CACNA1D: variants seen among roughly 807,000 people sequenced by gnomAD.
The protein encoded by CACNA1D is calcium voltage-gated channel subunit alpha1 D.
CACNA1D carries 55 observed loss-of-function variants against 257.1 expected under a neutral mutation model. The ratio of observed to expected loss-of-function variants is 0.21; its 90% confidence interval spans 0.17 to 0.27. The LOEUF (loss-of-function observed/expected upper bound fraction) is 0.27, where lower values mean the gene tolerates loss of function less well. Ranked by LOEUF, CACNA1D falls within the 10% of genes least tolerant of loss-of-function variation. The pLI is 1.00. For synonymous variants in CACNA1D, 980 were observed against 1,014.9 expected (o/e 0.97, Z 0.65); for missense variants, 1,876 against 2,784.0 (o/e 0.67, Z 7.34).
At chr3:53,730,015 CTGAAT>C (rs1389756596) in intron 15 of CACNA1D, among the ~76,000 whole-genome samples, 1 of 151,968 alleles carries the variant, frequency 6.6e-6, no homozygotes. Context: ...AAGCACTCCC[CTGAAT>C]ATATATGTTG....
chr3:53,704,548 T>C (rs2094665303), intron 9 of CACNA1D, among the ~76,000 whole-genome samples: 1 of 152,202 alleles, frequency 6.6e-6, no homozygotes, highest in African/African-American at 2.4e-5. Context: ...CTGCCTGTCC[T>C]CTGCACAGCT....
chr3:53,580,537 T>C (rs2093115200), intron 3 of CACNA1D, among the ~76,000 whole-genome samples: 1 of 152,220 alleles, frequency 6.6e-6, no homozygotes, highest in Non-Finnish European at 1.5e-5. Flanking sequence ...AGTAATCCTG[T>C]TTCTCTGCCT....
At chr3:53,547,338 CAG>C (rs2092433591) in intron 3 of CACNA1D, among the ~76,000 whole-genome samples, 1 of 152,154 alleles carries the variant, frequency 6.6e-6, no homozygotes, top group Non-Finnish European at 1.5e-5. Context: ...ACGAGGGCAA[CAG>C]GGCTCTTGCT....
intron 21 of CACNA1D, 114 bp from the exon 22 acceptor site, chr3:53,742,897 T>C (rs887187954): frequency 1.3e-6 from 1 of 775,128 alleles, no homozygotes; most frequent in African/African-American, 1.7e-5. Context: ...ATTTCTGACT[T>C]CTTAATGCAC....
chr3:53,773,121 C>T lies in CACNA1D; in HGVS notation c.4110+223C>T, dbSNP rs2278516. 0.62 allele frequency among the ~76,000 whole-genome samples: 93,837 copies of T among 152,118 alleles called. 29,563 individuals carry two copies. The highest frequency in any genetic ancestry group is 0.7 in the Middle Eastern group (204 of 292). ...AGAGGTTAGAATGCACCAGGAAAAACTGCATGTCATGGCAGAAGAATTATG... is the reference window on the plus strand; with the variant it reads ...AGAGGTTAGAATGCACCAGGAAAAATTGCATGTCATGGCAGAAGAATTATG... On this transcript the variant is annotated intron_variant, in intron 33 of 47. Transcript: ENST00000350061.
chr3:53,716,519 A>G (rs1259780990), intron 9 of CACNA1D, among the ~76,000 whole-genome samples: 1 of 151,542 alleles, frequency 6.6e-6, no homozygotes, highest in Non-Finnish European at 1.5e-5. Context: ...GTGTGTGTTA[A>G]TGGAGTTTTT....
intron 3 of CACNA1D, among the ~76,000 whole-genome samples, chr3:53,619,650 G>A (rs569671288): frequency 8.5e-5 from 13 of 152,236 alleles, no homozygotes; most frequent in South Asian, 2.1e-4. Flanking sequence ...CTCCTTCCTC[G>A]GCATTGGGAC....
chr3:53,502,250 T>C (rs1378910669), intron 3 of CACNA1D, among the ~76,000 whole-genome samples: 2 of 152,104 alleles, frequency 1.3e-5, no homozygotes, highest in Non-Finnish European at 2.9e-5. Flanking sequence ...TGATATAATA[T>C]TAAAGTTTCT....
At chr3:53,562,814 T>C (rs1178332929) in intron 3 of CACNA1D, among the ~76,000 whole-genome samples, 1 of 152,184 alleles carries the variant, frequency 6.6e-6, no homozygotes, top group East Asian at 1.9e-4. Context: ...AGAAGTTTCT[T>C]GTAAGAGATT....
chr3:53,711,721 C>A (rs1038414265), intron 9 of CACNA1D, among the ~76,000 whole-genome samples: 4 of 152,174 alleles, frequency 2.6e-5, no homozygotes, highest in African/African-American at 9.7e-5. Context: ...ATGGGAACAA[C>A]CCGTGGATAT....
Position 53,751,400 on chromosome 3 carries a change from C to T in CACNA1D, c.3517-349C>T, listed in dbSNP as rs1392801770. Among the ~76,000 whole-genome samples the T allele has an allele frequency of 6.6e-6, 1 of 152,214 alleles. No homozygotes were observed. Among genetic ancestry groups the T allele is most frequent in the Non-Finnish European group, 1.5e-5 (1 of 68,032 alleles). ...ATAAAGAGGAAAGGCAGTGATAAGG[C>T]CTGGACCCAGTCCTCACTCCTGCTT... On this transcript the variant is annotated intron_variant, in intron 27 of 47. Transcript: ENST00000350061. The surrounding 1 kb of genome is among the most constrained non-coding windows in gnomAD (Gnocchi z 4.3).
chr3:53,761,955 T>C (rs754786931), intron 29 of CACNA1D, 43 bp from the exon 30 acceptor site: 1 of 1,359,506 alleles, frequency 7.4e-7, no homozygotes, highest in South Asian at 1.2e-5. Flanking sequence ...GGTGGGTCAT[T>C]CATACATGCT....
chr3:53,618,942 G>A (rs1293988278), intron 3 of CACNA1D, among the ~76,000 whole-genome samples: 1 of 152,150 alleles, frequency 6.6e-6, no homozygotes, highest in Non-Finnish European at 1.5e-5. Context: ...ATAACTCTTA[G>A]GTCCTAGGGT....
At chr3:53,767,988 C>T (rs552614294) in intron 30 of CACNA1D, among the ~76,000 whole-genome samples, 1 of 152,192 alleles carries the variant, frequency 6.6e-6, no homozygotes, top group African/African-American at 2.4e-5. Context: ...CAAATGCTGT[C>T]TCCTCTTCCC....
chr3:53,556,389 T>G (rs576479676), intron 3 of CACNA1D, among the ~76,000 whole-genome samples: 88 of 152,368 alleles, frequency 5.8e-4, no homozygotes, highest in African/African-American at 2.0e-3. Flanking sequence ...TATAGTTGCT[T>G]CACATTCTTG....
At chr3:53,739,850 C>G (rs1179131883) in intron 20 of CACNA1D, among the ~76,000 whole-genome samples, 1 of 152,216 alleles carries the variant, frequency 6.6e-6, no homozygotes, top group Non-Finnish European at 1.5e-5. Context: ...TTATGCTTCT[C>G]CACCAATCTG....
intron 3 of CACNA1D, among the ~76,000 whole-genome samples, chr3:53,620,293 TTTC>T (rs779061576): frequency 2.0e-5 from 3 of 152,100 alleles, no homozygotes; most frequent in Non-Finnish European, 4.4e-5. Context: ...CCATCTCTCT[TTTC>T]TTCTTCTTTG....
At chr3:53,797,154 G>T (rs1056440080) in intron 40 of CACNA1D, among the ~76,000 whole-genome samples, 8 of 152,148 alleles carry the variant, frequency 5.3e-5, no homozygotes, top group African/African-American at 1.9e-4. Flanking sequence ...CTGGGGATTG[G>T]AACTTGTGCC....
intron 9 of CACNA1D, 42 bp downstream of exon 9, chr3:53,702,852 G>T (rs746961836): frequency 2.0e-5 from 33 of 1,610,686 alleles, no homozygotes; most frequent in Non-Finnish European, 2.8e-5. Flanking sequence ...CAGACCCAGT[G>T]TGCGGTTCAG....
Sources: gnomAD v4.1 joint callset for allele counts (sites outside exome capture counted in the v4.1 genomes callset) on GRCh38, gnomAD v4.1.1 for gene constraint, Gnocchi (gnomAD v3.1) non-coding constraint, MANE v1.5 for transcripts, NCBI Gene and HGNC (gene_info 2026-07-23, HGNC 2026-07-21) for gene names.